CEP85L: variants seen among roughly 807,000 people sequenced by gnomAD.
CEP85L encodes the protein centrosomal protein of 85 kDa-like.
Under a neutral mutation model 100.3 loss-of-function variants are expected in CEP85L, and 60 were observed. The ratio of observed to expected loss-of-function variants is 0.60; its 90% CI spans 0.49 to 0.74. The LOEUF (loss-of-function observed/expected upper bound fraction) is 0.74, where lower values mean the gene tolerates loss of function less well. Among genes scored for constraint, CEP85L ranks in the 30% least tolerant of loss-of-function variants. The pLI is 0.00. For missense variants in CEP85L, 973 were observed against 936.2 expected, an observed-to-expected ratio of 1.04 and a Z score of -0.51; for synonymous variants, 319 against 322.7, an observed-to-expected ratio of 0.99 and a Z score of 0.12.
In CEP85L at chr6:118,651,498, C is replaced by G. The variant is rs1775559086; in HGVS notation, c.-229G>C. 1 of 1,269,196 alleles carries G rather than the reference C, an allele frequency of 7.9e-7. No individual in the cohort carries two copies. Among genetic ancestry groups the G allele is most frequent in the South Asian group, 2.7e-5 (1 of 37,376 alleles). 78.6% of individuals were successfully genotyped at this position (1,269,196 alleles called of 1,614,324 possible). ...CAAGCCGGCTGGGCTGAGGCCCGCG[C>G]CGGGGAAGCGGCGACTCGGCGGTGA... is the stretch of plus-strand genomic sequence containing the variant. On this transcript the variant is annotated 5_prime_UTR_variant, in exon 1 of 13. Coordinates refer to ENST00000368491, the MANE Select transcript of CEP85L (RefSeq NM_001042475.3).
intron 2 of CEP85L, among the ~76,000 whole-genome samples, chr6:118,587,106 T>C (rs1252481646): frequency 6.6e-6 from 1 of 152,202 alleles, no homozygotes; most frequent in Non-Finnish European, 1.5e-5. Context: ...GTTGGGTCTG[T>C]CCTAAGTGGT....
chr6:118,670,558 G>C (rs188576292), intron 1 of CEP85L, among the ~76,000 whole-genome samples: 1 of 150,626 alleles, frequency 6.6e-6, no homozygotes, highest in Non-Finnish European at 1.5e-5. Flanking sequence ...CTTCATTGTC[G>C]CACTAAGCAG....
chr6:118,599,614 A>T (rs1168883742), intron 2 of CEP85L, among the ~76,000 whole-genome samples: 3 of 152,176 alleles, frequency 2.0e-5, no homozygotes, highest in Non-Finnish European at 4.4e-5. Flanking sequence ...GTATGATTTT[A>T]AAAAATAATA....
intron 2 of CEP85L, among the ~76,000 whole-genome samples, chr6:118,592,259 AGACT>A: frequency 6.6e-6 from 1 of 151,882 alleles, no homozygotes; most frequent in East Asian, 1.9e-4. Context: ...CTAAACAAAC[AGACT>A]AAGAGAAACT....
intron 2 of CEP85L, among the ~76,000 whole-genome samples, chr6:118,578,668 G>A (rs1780386167): frequency 6.6e-6 from 1 of 152,150 alleles, no homozygotes; most frequent in Admixed American, 6.5e-5. Flanking sequence ...GGCGGACGTT[G>A]CCATGAGCCG....
intron 1 of CEP85L, among the ~76,000 whole-genome samples, chr6:118,694,707 C>T (rs557257639): frequency 6.6e-6 from 1 of 152,206 alleles, no homozygotes; most frequent in East Asian, 1.9e-4. Flanking sequence ...AATAAAGGTA[C>T]ATAAATATGC....
Position 118,596,109 on chromosome 6 carries a change from ATTTG to A in CEP85L, c.233-29797_233-29794del, listed in dbSNP as rs1012940915. ...AATGTTTGGAATTTAGCTAGCATAG[ATTTG>A]TTTAATTTTATAAATGAGAAAAAAA... On this transcript the variant is annotated intron_variant, in intron 2 of 12. Coordinates refer to ENST00000368491, the MANE Select transcript of CEP85L (RefSeq NM_001042475.3). 4.6e-5 allele frequency among the ~76,000 whole-genome samples: 7 copies of A among 152,278 alleles called. No individual in the cohort carries two copies. In the East Asian group the frequency reaches 7.7e-4, roughly 17 times the overall value.
intron 2 of CEP85L, among the ~76,000 whole-genome samples, chr6:118,585,422 A>C (rs1486848751): frequency 6.6e-6 from 1 of 152,228 alleles, no homozygotes; most frequent in Admixed American, 6.5e-5. Flanking sequence ...AGGTAGCCAA[A>C]GGAAACAGAT....
At chr6:118,540,919 T>C (rs1281866207) in intron 3 of CEP85L, among the ~76,000 whole-genome samples, 1 of 152,206 alleles carries the variant, frequency 6.6e-6, no homozygotes, top group Admixed American at 6.5e-5. Context: ...CAGTCTTCAA[T>C]GGCCATACTT....
upstream of CEP85L, chr6:118,710,088 T>C (rs1399270416): frequency 1.3e-5 from 2 of 152,172 alleles, no homozygotes; most frequent in Non-Finnish European, 2.9e-5. Context: ...GAAATGGGTA[T>C]GTGGGGGTTA....
intron 1 of CEP85L, among the ~76,000 whole-genome samples, chr6:118,634,166 T>C (rs959123916): frequency 5.9e-5 from 9 of 152,368 alleles, no homozygotes; most frequent in African/African-American, 2.2e-4. Context: ...TGATACCCTA[T>C]TGAAACCGGC....
At chr6:118,592,716 C>A (rs1254924813) in intron 2 of CEP85L, among the ~76,000 whole-genome samples, 2 of 151,954 alleles carry the variant, frequency 1.3e-5, no homozygotes, top group Non-Finnish European at 2.9e-5. Context: ...TTTATGCAAA[C>A]CTCTTATCAT....
At chr6:118,697,669 C>A (rs1040546351) in intron 1 of CEP85L, among the ~76,000 whole-genome samples, 2 of 152,124 alleles carry the variant, frequency 1.3e-5, no homozygotes, top group African/African-American at 4.8e-5. Context: ...AGAGAGGTGG[C>A]GGTGTGGCAT....
In CEP85L at chr6:118,565,539, G is replaced by C. The variant is rs759611530; in HGVS notation, c.1010C>G (p.Thr337Arg). The C allele has an allele frequency of 2.5e-6, 4 of 1,614,030 alleles. No individual in the cohort carries two copies. In the African/African-American group the frequency reaches 4.0e-5, roughly 16 times the overall value. Residue 337 changes from threonine (T) to arginine (R), a missense_variant, in exon 3 of 13, where the codon ACA becomes AGA. This residue lies in a region of CEP85L where 890 missense variants were observed against 844.5 expected (regional missense o/e 1.05). Transcript: ENST00000368491. ...QIEDFRQGSETPMQVLTGSSR... is the reference protein window; with the variant it reads ...QIEDFRQGSERPMQVLTGSSR... Reference sequence around the variant, plus strand: ...GATTTTGCACCTTACCTGCATTGGTGTTTCACTTCCTTGTCGAAAGTCTTC... The same window carrying C: ...GATTTTGCACCTTACCTGCATTGGTCTTTCACTTCCTTGTCGAAAGTCTTC...
intron 3 of CEP85L, among the ~76,000 whole-genome samples, chr6:118,554,930 T>C (rs1315744585): frequency 6.6e-6 from 1 of 152,176 alleles, no homozygotes; most frequent in African/African-American, 2.4e-5. Flanking sequence ...AGTGTCAACG[T>C]AGGGGATGAC....
Position 118,566,246 on chromosome 6 carries a change from A to G in CEP85L, c.303T>C (p.His101=), listed in dbSNP as rs201732754. 238 of 1,614,040 alleles carry G rather than the reference A, an allele frequency of 1.5e-4. No homozygotes were observed. Among genetic ancestry groups the G allele is most frequent in the Non-Finnish European group, 1.9e-4 (228 of 1,179,984 alleles). Residue 101 remains histidine, a synonymous_variant, in exon 3 of 13, where the codon CAT becomes CAC. Transcript: ENST00000368491. The part of the protein sequence containing the change: ...SQSLITLPTA[H]VMPSNSSASI... ...AAGCGCTGGAATTAGACGGCATCACATGGGCAGTAGGAAGAGTAATCAATG... is the reference window on the plus strand; with the variant it reads ...AAGCGCTGGAATTAGACGGCATCACGTGGGCAGTAGGAAGAGTAATCAATG...
At chr6:118,505,185 T>C (rs911918397) in intron 5 of CEP85L, among the ~76,000 whole-genome samples, 1 of 151,936 alleles carries the variant, frequency 6.6e-6, no homozygotes, top group African/African-American at 2.4e-5. Context: ...CTCACACCTG[T>C]AATCCCAGCA....
intron 2 of CEP85L, among the ~76,000 whole-genome samples, chr6:118,582,815 G>T (rs1319432431): frequency 6.6e-6 from 1 of 152,162 alleles, no homozygotes; most frequent in Admixed American, 6.5e-5. Context: ...GTCAGCTCCC[G>T]ATATTGGAAA....
intron 1 of CEP85L, among the ~76,000 whole-genome samples, chr6:118,658,617 A>G (rs1775873589): frequency 2.0e-5 from 3 of 152,292 alleles, no homozygotes; most frequent in Admixed American, 2.0e-4. Flanking sequence ...AAAAATAAAT[A>G]AACTTTTAAA....
Sources: gnomAD v4.1 joint callset for allele counts (sites outside exome capture counted in the v4.1 genomes callset) on GRCh38, gnomAD v4.1.1 for gene constraint, gnomAD v4.1.1 regional missense constraint, MANE v1.5 for transcripts, NCBI Gene and HGNC (gene_info 2026-07-23, HGNC 2026-07-21) for gene names.